ZNF738: variants seen among roughly 807,000 people sequenced by gnomAD.
ZNF738 encodes the protein protein ZNF738.
A neutral mutation model predicts 9.2 loss-of-function variants in ZNF738; 10 were observed. The ratio of observed to expected loss-of-function variants is 1.09; its 90% CI spans 0.67 to 1.85. The LOEUF is 1.85. Among genes scored for constraint, ZNF738 ranks in the 40% most tolerant of loss-of-function variants. ZNF738 has a pLI of 0.00. For synonymous variants in ZNF738, 113 were observed against 94.5 expected, an observed-to-expected ratio of 1.20 and a Z score of -1.14; for missense variants, 346 against 283.6, an observed-to-expected ratio of 1.22 and a Z score of -1.58.
rs1320121540 is a variant in ZNF738 at position 21,385,037 on chromosome 19, G to A, written c.*1363G>A. 1.3e-5 allele frequency among the ~76,000 whole-genome samples: 2 copies of A among 152,178 alleles called. No individual in the cohort carries two copies. The highest frequency in any genetic ancestry group is 1.9e-4 in the East Asian group (1 of 5,190). On this transcript the variant is annotated 3_prime_UTR_variant, in exon 5 of 5. Coordinates refer to ENST00000683779, the MANE Select transcript of ZNF738 (RefSeq NM_001355237.2). ...AAGAATGTGGCAAAGGCTTTGACTG[G>A]TCCTCTACCCTTACTAAAGATAAAA... is the stretch of plus-strand genomic sequence containing the variant.
chr19:21,361,188 A>C (rs560982928), intron 1 of ZNF738, among the ~76,000 whole-genome samples: 43 of 150,498 alleles, frequency 2.9e-4, no homozygotes, highest in African/African-American at 1.0e-3. Context: ...CCCAGGCTGG[A>C]GTACAGTGGC....
intron 1 of ZNF738, among the ~76,000 whole-genome samples, chr19:21,360,239 G>A (rs1277631800): frequency 6.6e-6 from 1 of 150,690 alleles, no homozygotes; most frequent in East Asian, 2.0e-4. Flanking sequence ...CTAATTGCCT[G>A]CCACTTAATT....
chr19:21,370,076 T>G (rs1178928092), intron 2 of ZNF738, among the ~76,000 whole-genome samples: 1 of 152,226 alleles, frequency 6.6e-6, no homozygotes, highest in African/African-American at 2.4e-5. Flanking sequence ...CCTCCCAAAG[T>G]GCTGGGATTA....
At chr19:21,380,609 AAC>A (rs1973991712) in intron 4 of ZNF738, among the ~76,000 whole-genome samples, 1 of 152,230 alleles carries the variant, frequency 6.6e-6, no homozygotes, top group Admixed American at 6.5e-5. Context: ...TGGATTAAAA[AAC>A]AGATGGATGA....
At chr19:21,370,348 T>G (rs547686345) in intron 2 of ZNF738, among the ~76,000 whole-genome samples, 1 of 152,322 alleles carries the variant, frequency 6.6e-6, no homozygotes, top group Non-Finnish European at 1.5e-5. Context: ...AGTTTTCTAT[T>G]TTTTGTTTTA....
At chr19:21,371,603 A>G (rs545011712) in intron 2 of ZNF738, among the ~76,000 whole-genome samples, 5 of 152,352 alleles carry the variant, frequency 3.3e-5, no homozygotes, top group African/African-American at 9.6e-5. Flanking sequence ...GGTCCCTACC[A>G]TCCAGGAAAT....
intron 2 of ZNF738, among the ~76,000 whole-genome samples, chr19:21,373,359 G>A (rs533933035): frequency 3.3e-5 from 5 of 152,274 alleles, no homozygotes; most frequent in African/African-American, 9.6e-5. Flanking sequence ...CCAGAATCAA[G>A]TGTGTGGGGT....
chr19:21,359,638 G>A (rs1388128781), intron 1 of ZNF738, among the ~76,000 whole-genome samples: 3 of 152,210 alleles, frequency 2.0e-5, no homozygotes, highest in Non-Finnish European at 4.4e-5. Context: ...CAGCACTTTG[G>A]AAGGCCGAGG....
chr19:21,366,881 T>C (rs1973788281), intron 2 of ZNF738, among the ~76,000 whole-genome samples: 1 of 152,196 alleles, frequency 6.6e-6, no homozygotes. Flanking sequence ...ACTTCTTTAC[T>C]GCAAGCTATT....
At chr19:21,363,284 A>C (rs1973724025) in intron 2 of ZNF738, among the ~76,000 whole-genome samples, 1 of 152,022 alleles carries the variant, frequency 6.6e-6, no homozygotes, top group Non-Finnish European at 1.5e-5. Flanking sequence ...CCAAGTGAGC[A>C]ACTCTAACAT....
chr19:21,382,226 G>A (rs200021169), intron 4 of ZNF738, among the ~76,000 whole-genome samples: 3 of 148,574 alleles, frequency 2.0e-5, no homozygotes, highest in Non-Finnish European at 4.5e-5. Flanking sequence ...CACCACGCCC[G>A]GCTGGCAATT....
chr19:21,381,224 A>C, intron 4 of ZNF738: 1 of 1,541,474 alleles, frequency 6.5e-7, no homozygotes, highest in Non-Finnish European at 8.8e-7. Context: ...GAGATTTCAA[A>C]TATTAAAGCT....
At position 21,384,985 on chromosome 19, in the gene ZNF738, A is replaced by G. The variant is rs16997799; in HGVS notation, c.*1311A>G. ...TACTTTACTACACATAGGAGAATTCATGCGGAAGAGAATTTCTACAAATGT... is the reference window on the plus strand; with the variant it reads ...TACTTTACTACACATAGGAGAATTCGTGCGGAAGAGAATTTCTACAAATGT... On this transcript the variant is annotated 3_prime_UTR_variant, in exon 5 of 5. Coordinates refer to ENST00000683779, the MANE Select transcript of ZNF738 (RefSeq NM_001355237.2). Among the ~76,000 whole-genome samples the G allele has an allele frequency of 2.6e-5, 4 of 152,252 alleles. No individual in the cohort carries two copies. Among genetic ancestry groups the G allele is most frequent in the Admixed American group, 6.5e-5 (1 of 15,290 alleles).
rs1974076706 is a variant in ZNF738 at position 21,387,101 on chromosome 19, G to A, written c.*3427G>A. ...AATAATGCTTTTGACAACACCTCAA[G>A]CTTTTCTAACCATAAAAAGAATCAT... is the stretch of plus-strand genomic sequence containing the variant. On this transcript the variant is annotated 3_prime_UTR_variant, in exon 5 of 5. Transcript: ENST00000683779. The A allele has an allele frequency of 6.5e-6, 1 of 153,792 alleles. No homozygotes were observed. The highest frequency in any genetic ancestry group is 2.1e-4 in the South Asian group (1 of 4,826). The allele number at this position is 153,792 out of a possible 1,614,324, so 9.5% of individuals were successfully genotyped here. A position where few individuals can be genotyped will look rare whatever the true frequency, so the allele number is the denominator to read the frequency against.
At chr19:21,382,221 C>T (rs557321561) in intron 4 of ZNF738, among the ~76,000 whole-genome samples, 324 of 149,874 alleles carry the variant, frequency 2.2e-3, no homozygotes, top group Middle Eastern at 0.014. Context: ...TGAGCCACCA[C>T]GCCCGGCTGG....
chr19:21,361,786 G>GTA lies in ZNF738; in HGVS notation c.26_27dup (p.Pro10IlefsTer27). ...CATAGGACGACCTGAGGTATGGAGT[G>GTA]TATCCTGTCAAGGGGGCAAGTGGAT... On this transcript the variant is annotated frameshift_variant, in exon 2 of 5. Coordinates refer to ENST00000683779, the MANE Select transcript of ZNF738 (RefSeq NM_001355237.2). LOFTEE classifies it high-confidence loss of function. 2 of 780,814 alleles carry GTA rather than the reference G, an allele frequency of 2.6e-6. No individual in the cohort carries two copies. The highest frequency in any genetic ancestry group is 2.4e-6 in the Non-Finnish European group (1 of 418,030). 48.4% of individuals were successfully genotyped at this position (780,814 alleles called of 1,614,324 possible). A position where few individuals can be genotyped will look rare whatever the true frequency, so the allele number is the denominator to read the frequency against.
intron 2 of ZNF738, among the ~76,000 whole-genome samples, chr19:21,368,444 T>C (rs2145224890): frequency 6.6e-6 from 1 of 152,274 alleles, no homozygotes; most frequent in African/African-American, 2.4e-5. Flanking sequence ...GTTTGCTTGT[T>C]TTTTGAGACA....
intron 4 of ZNF738, chr19:21,381,362 C>G (rs1295444086): frequency 1.3e-6 from 2 of 1,501,106 alleles, no homozygotes; most frequent in Admixed American, 1.7e-5. Flanking sequence ...GATGAATACT[C>G]TGACTCCATC....
At chr19:21,369,870 A>G (rs1389496772) in intron 2 of ZNF738, among the ~76,000 whole-genome samples, 3 of 148,038 alleles carry the variant, frequency 2.0e-5, no homozygotes, top group Non-Finnish European at 3.0e-5. Flanking sequence ...CTGGAGTGCT[A>G]TGGCATGATC....
Sources: allele counts gnomAD v4.1 joint callset (sites outside exome capture counted in the v4.1 genomes callset), GRCh38; gene constraint gnomAD v4.1.1; transcripts MANE v1.5; gene names NCBI Gene and HGNC (gene_info 2026-07-23, HGNC 2026-07-21).